The following GRPR variants were observed in gnomAD, a reference collection of about 807,000 sequenced individuals.
GRPR encodes gastrin-releasing peptide receptor.
Under a neutral mutation model 15.6 loss-of-function variants are expected in GRPR, and 4 were observed. The observed-to-expected ratio is 0.26, with a 90% CI of 0.13 to 0.59. The LOEUF (loss-of-function observed/expected upper bound fraction) is 0.59, where lower values mean the gene tolerates loss of function less well. Among genes scored for constraint, GRPR ranks in the 20% least tolerant of loss-of-function variants. The pLI is 0.90. For missense variants in GRPR, 270 were observed against 304.1 expected, an observed-to-expected ratio of 0.89 and a Z score of 0.83; for synonymous variants, 128 against 126.8, an observed-to-expected ratio of 1.01 and a Z score of -0.06.
intron 2 of GRPR, among the ~76,000 whole-genome samples, chrX:16,151,362 CTCTT>C (rs1922698991): frequency 8.9e-6 from 1 of 112,098 alleles, no homozygotes; most frequent in Non-Finnish European, 1.9e-5. Context: ...CGGCTTCCTC[CTCTT>C]TGTCAGTGCT....
At chrX:16,140,724 C>T (rs1184304933) in intron 1 of GRPR, among the ~76,000 whole-genome samples, 2 of 111,948 alleles carry the variant, frequency 1.8e-5, no homozygotes, top group Admixed American at 1.9e-4. Flanking sequence ...AGTTGCCCAC[C>T]GTGGTGCCCT....
At chrX:16,130,754 C>A (rs993483839) in intron 1 of GRPR, among the ~76,000 whole-genome samples, 2 of 112,497 alleles carry the variant, frequency 1.8e-5, no homozygotes, top group Admixed American at 9.4e-5. Context: ...AAATGCTTTA[C>A]AAGAAAGTCC....
intron 1 of GRPR, among the ~76,000 whole-genome samples, chrX:16,148,121 G>T (rs1329344911): frequency 1.8e-5 from 2 of 111,553 alleles, no homozygotes; most frequent in African/African-American, 6.5e-5. Flanking sequence ...TATTGTTCTG[G>T]AATTTTGGGG....
chrX:16,135,062 C>T (rs1426417666), intron 1 of GRPR, among the ~76,000 whole-genome samples: 3 of 111,471 alleles, frequency 2.7e-5, no homozygotes, highest in African/African-American at 9.8e-5. Context: ...ATGGGATCAA[C>T]ATTCACAGCC....
In GRPR at chrX:16,152,238, A is replaced by G; in HGVS notation, c.766-18A>G. ...TCCCTTGGTTCCTCTGTCTCTCTCC[A>G]TGTGATTCTCTCCTTAGATTGAATC... On this transcript the variant is annotated intron_variant, in intron 2 of 2. Coordinates refer to ENST00000380289, the MANE Select transcript of GRPR (RefSeq NM_005314.3). The G allele has an allele frequency of 8.4e-7, 1 of 1,189,843 alleles. No homozygotes were observed. The highest frequency in any genetic ancestry group is 1.1e-6 in the Non-Finnish European group (1 of 876,143).
At chrX:16,124,506 C>G (rs1250098288) in intron 1 of GRPR, 140 bp downstream of exon 1, 4 of 548,219 alleles carry the variant, frequency 7.3e-6, no homozygotes, top group Non-Finnish European at 1.3e-5. Flanking sequence ...GGTTTTTATT[C>G]TGGGTATGAC....
At chrX:16,134,027 C>T (rs896467575) in intron 1 of GRPR, among the ~76,000 whole-genome samples, 3 of 112,003 alleles carry the variant, frequency 2.7e-5, no homozygotes, top group Non-Finnish European at 3.8e-5. Context: ...TAACTTTAAG[C>T]TTTTAAAGTG....
chrX:16,141,870 G>C (rs775365667), intron 1 of GRPR, among the ~76,000 whole-genome samples: 1 of 112,315 alleles, frequency 8.9e-6, no homozygotes, highest in East Asian at 2.8e-4. Context: ...GCAGGAGTGA[G>C]TGGCCCACTA....
In GRPR at chrX:16,150,650, G is replaced by C. The variant is rs141598090; in HGVS notation, c.759G>C (p.Lys253Asn). The C allele has an allele frequency of 2.2e-5, 24 of 1,093,851 alleles. No individual in the cohort carries two copies. The East Asian group carries it at 6.9e-4, about 31-fold the overall frequency. The allele number at this position is 1,093,851 out of a possible 1,213,427, so 90.1% of individuals were successfully genotyped here. Residue 253 changes from lysine to asparagine, a missense_variant, in exon 2 of 3, where the codon AAG becomes AAC. Physicochemically the swap from Lys to Asn is moderately conservative, Grantham distance 94. Coordinates refer to ENST00000380289, the MANE Select transcript of GRPR (RefSeq NM_005314.3). ...CCGTGGAAGGGAATATACATGTCAAGAAGCAGGTAGGTGCTCAGGATTGAT... is the reference window on the plus strand; with the variant it reads ...CCGTGGAAGGGAATATACATGTCAACAAGCAGGTAGGTGCTCAGGATTGAT... ...NLPVEGNIHV[K>N]KQIESRKRLA...
At chrX:16,145,644 AAG>A (rs377019487) in intron 1 of GRPR, among the ~76,000 whole-genome samples, 77 of 112,223 alleles carry the variant, frequency 6.9e-4, no homozygotes, top group African/African-American at 2.4e-3. Flanking sequence ...AAATAACTAA[AAG>A]AGTATAATTG....
rs749894437 is a variant in GRPR at position 16,132,058 on chromosome X, A to G, written c.413+7692A>G. Reference sequence around the variant, plus strand: ...TCTTTGGTGTATTCTCTGACACTGGAACAGTCCCTAACCTGTAGTAGGTGC... The same window carrying G: ...TCTTTGGTGTATTCTCTGACACTGGGACAGTCCCTAACCTGTAGTAGGTGC... On this transcript the variant is annotated intron_variant, in intron 1 of 2. Coordinates refer to ENST00000380289, the MANE Select transcript of GRPR (RefSeq NM_005314.3). Among the ~76,000 whole-genome samples the G allele has an allele frequency of 3.6e-5, 4 of 112,642 alleles. No homozygotes were observed. In the South Asian group the frequency reaches 1.1e-3, roughly 31 times the overall value.
At chrX:16,139,125 C>T (rs998781380) in intron 1 of GRPR, among the ~76,000 whole-genome samples, 3 of 111,970 alleles carry the variant, frequency 2.7e-5, no homozygotes, top group African/African-American at 9.8e-5. Flanking sequence ...AGAGGATCAT[C>T]TACTTTTCAT....
At chrX:16,149,785 AAG>A (rs749379464) in intron 1 of GRPR, among the ~76,000 whole-genome samples, 3 of 111,184 alleles carry the variant, frequency 2.7e-5, no homozygotes, top group Admixed American at 9.5e-5. Context: ...TCTTAAAATC[AAG>A]AGAGAGTGTG....
chrX:16,133,027 C>T (rs1298000079), intron 1 of GRPR, among the ~76,000 whole-genome samples: 1 of 111,836 alleles, frequency 8.9e-6, no homozygotes, highest in Non-Finnish European at 1.9e-5. Flanking sequence ...AAATTCAATT[C>T]TACTCATATA....
chrX:16,143,321 G>A (rs182261159), intron 1 of GRPR, among the ~76,000 whole-genome samples: 48 of 112,434 alleles, frequency 4.3e-4, no homozygotes, highest in African/African-American at 1.5e-3. Context: ...TCCCTGTTGA[G>A]CCAAAAGCAA....
Position 16,153,436 on chromosome X carries a change from G to C in GRPR, c.*791G>C, listed in dbSNP as rs983607410. 2 of 104,770 alleles carry C rather than the reference G, an allele frequency of 1.9e-5. No individual in the cohort carries two copies. The highest frequency in any genetic ancestry group is 3.9e-5 in the Non-Finnish European group (2 of 51,388). 8.6% of individuals were successfully genotyped at this position (104,770 alleles called of 1,213,427 possible). On this transcript the variant is annotated 3_prime_UTR_variant, in exon 3 of 3. Coordinates refer to ENST00000380289, the MANE Select transcript of GRPR (RefSeq NM_005314.3). ...TGCTGCTACGGTTTTAATCATCCAGGGTGCCATTCCACCATAGAAGAGCAA... is the reference window on the plus strand; with the variant it reads ...TGCTGCTACGGTTTTAATCATCCAGCGTGCCATTCCACCATAGAAGAGCAA...
chrX:16,130,186 C>G (rs1236173928), intron 1 of GRPR, among the ~76,000 whole-genome samples: 1 of 111,645 alleles, frequency 9.0e-6, no homozygotes, highest in Non-Finnish European at 1.9e-5. Flanking sequence ...TTTATACTTC[C>G]TTAATCGTAT....
Position 16,152,982 on chromosome X carries a change from G to C in GRPR, c.*337G>C. The C allele has an allele frequency of 3.8e-6, 1 of 261,401 alleles. No homozygotes were observed. 21.5% of individuals were successfully genotyped at this position (261,401 alleles called of 1,213,427 possible). Reference sequence around the variant, plus strand: ...GTCATAGAAACTGTATGAACAACCAGATTTACATAGCAGAGAAATCATACA... The same window carrying C: ...GTCATAGAAACTGTATGAACAACCACATTTACATAGCAGAGAAATCATACA... On this transcript the variant is annotated 3_prime_UTR_variant, in exon 3 of 3. Transcript: ENST00000380289.
intron 1 of GRPR, among the ~76,000 whole-genome samples, chrX:16,142,081 C>T (rs1922537331): frequency 8.9e-6 from 1 of 111,910 alleles, no homozygotes; most frequent in Admixed American, 9.5e-5. Flanking sequence ...ATTAAAATTG[C>T]AAGCCCAAGA....
Sources: allele counts gnomAD v4.1 joint callset (sites outside exome capture counted in the v4.1 genomes callset), GRCh38; gene constraint gnomAD v4.1.1; transcripts MANE v1.5; gene names NCBI Gene and HGNC (gene_info 2026-07-23, HGNC 2026-07-21).